EMC1: variants seen among roughly 807,000 people sequenced by gnomAD.
The protein encoded by EMC1 is ER membrane protein complex subunit 1, also known as KIAA0090.
A neutral mutation model predicts 128.8 loss-of-function variants in EMC1; 103 were observed. That is an observed-to-expected ratio of 0.80 (90% CI 0.68 to 0.94). The LOEUF (loss-of-function observed/expected upper bound fraction) is 0.94. EMC1 is among the 40% of genes least tolerant of loss of function. The pLI is 0.00. For missense variants in EMC1, 1,083 were observed against 1,250.6 expected (o/e 0.87, Z 2.02); for synonymous variants, 442 against 490.4 (o/e 0.90, Z 1.30).
At chr1:19,237,818 C>A (rs760707221) in intron 11 of EMC1, among the ~76,000 whole-genome samples, 199 bp downstream of exon 11, 1 of 152,242 alleles carries the variant, frequency 6.6e-6, no homozygotes, top group Non-Finnish European at 1.5e-5. Flanking sequence ...TTAGAACAGT[C>A]CCTGGTGCAC....
At position 19,242,339 on chromosome 1, in the gene EMC1, C is replaced by T. The variant is rs775830695; in HGVS notation, c.509+6G>A. On this transcript the variant is annotated splice_donor_region_variant and intron_variant, in intron 5 of 22. Transcript: ENST00000477853. ...GCAGCTATTGCCTGTGAGCAGGCAGCCTTACCTTTCTGGGAGATGTTCCAC... is the reference window on the plus strand; with the variant it reads ...GCAGCTATTGCCTGTGAGCAGGCAGTCTTACCTTTCTGGGAGATGTTCCAC... 1.6e-5 allele frequency: 26 copies of T among 1,614,028 alleles called. No individual in the cohort carries two copies. The Admixed American group carries it at 2.7e-4, about 17-fold the overall frequency.
At position 19,240,549 on chromosome 1, in the gene EMC1, G is replaced by C. The variant is rs924974824; in HGVS notation, c.637-103C>G. ...GCCAGCATCCCACTGGGGGTCCTAA[G>C]CTCAAAGGTTCTTCATGGTTGGTTG... On this transcript the variant is annotated intron_variant, in intron 6 of 22. Coordinates refer to ENST00000477853, the MANE Select transcript of EMC1 (RefSeq NM_015047.3). 33 of 1,311,762 alleles carry C rather than the reference G, an allele frequency of 2.5e-5. No homozygotes were observed. The African/African-American group carries it at 4.4e-4, about 17-fold the overall frequency. The allele number at this position is 1,311,762 out of a possible 1,614,324, so 81.3% of individuals were successfully genotyped here. A position where few individuals can be genotyped will look rare whatever the true frequency, so the allele number is the denominator to read the frequency against.
rs768640250 is a variant in EMC1, at chr1:19,245,030, C to T, written c.96G>A (p.Trp32Ter). Reference sequence around the variant, plus strand: ...TGACCTTCCCAACATATTGCTGTCTCCTGAGAAAAAAAGAGTACAGGGGAC... The same window carrying T: ...TGACCTTCCCAACATATTGCTGTCTTCTGAGAAAAAAAGAGTACAGGGGAC... The part of the protein sequence containing the change: ...VYEDQVGKFD[W>*]RQQYVGKVKF... The change falls in exon 2 of 23, where the codon TGG (tryptophan) becomes TGA (stop). Residue 32 changes from tryptophan to a stop codon, truncating the protein, a stop_gained and splice_region_variant. Coordinates refer to ENST00000477853, the MANE Select transcript of EMC1 (RefSeq NM_015047.3). LOFTEE classifies it high-confidence loss of function. 1 of 1,612,142 alleles carries T rather than the reference C, an allele frequency of 6.2e-7. No individual in the cohort carries two copies. Among genetic ancestry groups the T allele is most frequent in the South Asian group, 1.1e-5 (1 of 90,704 alleles).
chr1:19,238,263 G>A, intron 10 of EMC1, 124 bp from the exon 11 acceptor site: 1 of 1,067,582 alleles, frequency 9.4e-7, no homozygotes, highest in East Asian at 2.5e-5. Context: ...GGAAATATAT[G>A]CAAAGGAGAA....
rs754576872 is a variant in EMC1 at position 19,251,523 on chromosome 1, G to C, written c.-14C>G. The C allele has an allele frequency of 2.5e-6, 4 of 1,613,324 alleles. No homozygotes were observed. The Admixed American group carries it at 6.7e-5, about 27-fold the overall frequency. On this transcript the variant is annotated 5_prime_UTR_variant, in exon 1 of 23. Coordinates refer to ENST00000477853, the MANE Select transcript of EMC1 (RefSeq NM_015047.3). ...CTCAGCCGCCATGATGCGAGCGCAT[G>C]CACCACCCACCGCCGTCCCGGCATG... is the stretch of plus-strand genomic sequence containing the variant.
At chr1:19,220,560 A>T (rs2093423625) in intron 21 of EMC1, 3 of 437,244 alleles carry the variant, frequency 6.9e-6, no homozygotes. Context: ...TATATATTTT[A>T]CTTGTTTATC....
In EMC1 at chr1:19,219,200, C is replaced by T; in HGVS notation, c.*103G>A. ...CTTCCCTACAGTTCTTAGCTGAGCA[C>T]TGACACACACACATACTCCACCAAT... On this transcript the variant is annotated 3_prime_UTR_variant, in exon 23 of 23. Transcript: ENST00000477853. The T allele has an allele frequency of 6.0e-6, 7 of 1,165,234 alleles. No homozygotes were observed. Among genetic ancestry groups the T allele is most frequent in the South Asian group, 5.4e-5 (4 of 74,224 alleles). 72.2% of individuals were successfully genotyped at this position (1,165,234 alleles called of 1,614,324 possible). A position where few individuals can be genotyped will look rare whatever the true frequency, so the allele number is the denominator to read the frequency against.
In EMC1 at chr1:19,227,463, C is replaced by G. The variant is rs745907513; in HGVS notation, c.2065-13G>C. On this transcript the variant is annotated splice_polypyrimidine_tract_variant and intron_variant, in intron 17 of 22. Coordinates refer to ENST00000477853, the MANE Select transcript of EMC1 (RefSeq NM_015047.3). ...CAGTGGTGAGATCCTAGGGCAGGGGCAAAAAAGCCTGTAATCAGGAGGGTA... is the reference window on the plus strand; with the variant it reads ...CAGTGGTGAGATCCTAGGGCAGGGGGAAAAAAGCCTGTAATCAGGAGGGTA... 1.9e-6 allele frequency: 3 copies of G among 1,611,140 alleles called. No homozygotes were observed. In the African/African-American group the frequency reaches 4.0e-5, roughly 22 times the overall value.
chr1:19,250,961 G>C (rs933265034), intron 1 of EMC1, among the ~76,000 whole-genome samples: 2 of 152,206 alleles, frequency 1.3e-5, no homozygotes, highest in African/African-American at 4.8e-5. Flanking sequence ...CTAGGTTGAT[G>C]AGAGGGGAAA....
intron 20 of EMC1, 22 bp from the exon 21 acceptor site, chr1:19,220,870 T>C (rs2093426216): frequency 6.4e-7 from 1 of 1,551,864 alleles, no homozygotes; most frequent in Admixed American, 1.7e-5. Flanking sequence ...GAAGTGAATG[T>C]TCACACCGAT....
chr1:19,232,432 C>T (rs2093530683), intron 15 of EMC1, among the ~76,000 whole-genome samples, 192 bp downstream of exon 15: 2 of 152,188 alleles, frequency 1.3e-5, no homozygotes, highest in African/African-American at 2.4e-5. Context: ...AAGTCACACC[C>T]ACTTTCTAAA....
At chr1:19,241,331 T>C (rs1200297509) in intron 5 of EMC1, among the ~76,000 whole-genome samples, 189 bp from the exon 6 acceptor site, 1 of 152,200 alleles carries the variant, frequency 6.6e-6, no homozygotes, top group Admixed American at 6.5e-5. Context: ...ATTTAGAAGA[T>C]ATTATACTTC....
At chr1:19,220,972 C>T in intron 20 of EMC1, 124 bp from the exon 21 acceptor site, 1 of 589,944 alleles carries the variant, frequency 1.7e-6, no homozygotes, top group Non-Finnish European at 3.1e-6. Flanking sequence ...ATGAGGCTCC[C>T]TTACATAGCC....
In EMC1 at chr1:19,233,151, A is replaced by C; in HGVS notation, c.1433-16T>G. 1.2e-6 allele frequency: 2 copies of C among 1,608,360 alleles called. No individual in the cohort carries two copies. The highest frequency in any genetic ancestry group is 1.7e-6 in the Non-Finnish European group (2 of 1,175,834). Reference sequence around the variant, plus strand: ...AGCAAGCCATCTGGTGTAAAGGAAAAGTAACATACTCTACATCAGACTAGG... The same window carrying C: ...AGCAAGCCATCTGGTGTAAAGGAAACGTAACATACTCTACATCAGACTAGG... On this transcript the variant is annotated splice_polypyrimidine_tract_variant and intron_variant, in intron 13 of 22. Transcript: ENST00000477853.
chr1:19,234,807 C>T (rs774026029), intron 13 of EMC1, among the ~76,000 whole-genome samples: 25 of 151,870 alleles, frequency 1.6e-4, no homozygotes, highest in Non-Finnish European at 3.2e-4. Flanking sequence ...GATCGCGCCA[C>T]TGCACTCCAG....
chr1:19,250,140 C>A (rs1436067923), intron 1 of EMC1, among the ~76,000 whole-genome samples: 4 of 144,186 alleles, frequency 2.8e-5, no homozygotes, highest in Non-Finnish European at 6.0e-5. Flanking sequence ...ATCGCTTGAA[C>A]CCCAGAGGCG....
At chr1:19,240,574 G>C (rs989039708) in intron 6 of EMC1, 128 bp from the exon 7 acceptor site, 2 of 1,032,584 alleles carry the variant, frequency 1.9e-6, no homozygotes, top group African/African-American at 1.6e-5. Context: ...ATGGTTGGTT[G>C]TATAGGAGTT....
intron 21 of EMC1, chr1:19,220,272 G>A (rs1037121330): frequency 3.5e-4 from 55 of 158,702 alleles, no homozygotes; most frequent in African/African-American, 9.8e-4. Context: ...GGTCTGGCCC[G>A]AATTACCTCA....
intron 4 of EMC1, 61 bp downstream of exon 4, chr1:19,243,553 C>G: frequency 2.7e-6 from 4 of 1,455,506 alleles, no homozygotes; most frequent in Non-Finnish European, 3.9e-6. Context: ...GCTGTCTATG[C>G]AGATCTGTGT....
Sources: gnomAD v4.1 joint callset for allele counts (sites outside exome capture counted in the v4.1 genomes callset) on GRCh38, gnomAD v4.1.1 for gene constraint, MANE v1.5 for transcripts, NCBI Gene and HGNC (gene_info 2026-07-23, HGNC 2026-07-21) for gene names.